Variants in DRAP1 observed in about 807,000 individuals in gnomAD.
The protein encoded by DRAP1 is dr1-associated corepressor.
Under a neutral mutation model 24.1 loss-of-function variants are expected in DRAP1, and 10 were observed. The ratio of observed to expected loss-of-function variants is 0.41; its 90% confidence interval spans 0.26 to 0.70. The LOEUF is 0.70. Ranked by LOEUF, DRAP1 falls within the 30% of genes least tolerant of loss-of-function variation. The probability of loss-of-function intolerance (pLI) is 0.29; values close to 1 mark genes in which losing one functional copy is unlikely to be tolerated. For missense variants in DRAP1, 264 were observed against 275.6 expected, an observed-to-expected ratio of 0.96 and a Z score of 0.30; for synonymous variants, 122 against 113.8, an observed-to-expected ratio of 1.07 and a Z score of -0.46.
At chr11:65,921,055 C>T in intron 6 of DRAP1, 83 bp downstream of exon 6, 1 of 1,097,182 alleles carries the variant, frequency 9.1e-7, no homozygotes, top group Non-Finnish European at 1.3e-6. Flanking sequence ...GCCCCTTGGT[C>T]TTGTTGATTG....
chr11:65,920,619 A>G lies in DRAP1; in HGVS notation c.380A>G (p.Lys127Arg), dbSNP rs1278736552. ...GGRKNGGMGT[K>R]SKDKKLSGTD... ...CGGAAGAACGGTGGGATGGGAACGA[A>G]AAGCAAGGACAAGAAGCTGTCCGGG... The change falls in exon 5 of 7, where the codon AAA becomes AGA. Residue 127 changes from lysine to arginine, a missense_variant. Lys to Arg is a conservative substitution (Grantham distance 26). Transcript: ENST00000312515. 6.5e-7 allele frequency: 1 copy of G among 1,545,292 alleles called. No homozygotes were observed. The highest frequency in any genetic ancestry group is 2.4e-5 in the East Asian group (1 of 42,428).
At position 65,920,641 on chromosome 11, in the gene DRAP1, C is replaced by T. The variant is rs756398879; in HGVS notation, c.402C>T (p.Ser134=). The part of the protein sequence containing the change: ...MGTKSKDKKL[S]GTDSEQEDES... Reference sequence around the variant, plus strand: ...CGAAAAGCAAGGACAAGAAGCTGTCCGGGACAGACTCGGAGCAGGAGGTGA... The same window carrying T: ...CGAAAAGCAAGGACAAGAAGCTGTCTGGGACAGACTCGGAGCAGGAGGTGA... The change falls in exon 5 of 7, where the codon TCC becomes TCT. Residue 134 remains serine (S), a synonymous_variant. Coordinates refer to ENST00000312515, the MANE Select transcript of DRAP1 (RefSeq NM_006442.4). The T allele has an allele frequency of 4.6e-6, 7 of 1,509,150 alleles. No homozygotes were observed. The highest frequency in any genetic ancestry group is 3.9e-5 in the South Asian group (3 of 77,308). The allele number at this position is 1,509,150 out of a possible 1,614,324, so 93.5% of individuals were successfully genotyped here.
At chr11:65,919,639 G>A in intron 1 of DRAP1, 96 bp downstream of exon 1, 1 of 1,530,484 alleles carries the variant, frequency 6.5e-7, no homozygotes. Context: ...CGGTGTTCGG[G>A]GGCCTGGACG....
rs1430597685 is a variant in DRAP1, at chr11:65,921,364, C to G, written c.547C>G (p.Leu183Val). 4 of 1,611,324 alleles carry G rather than the reference C, an allele frequency of 2.5e-6. No individual in the cohort carries two copies. The African/African-American group carries it at 5.3e-5, about 22-fold the overall frequency. ...PTPFLPFAST[L>V]PLPPAPPGPS... ...ACCCTTCCTGCCCTTCGCCTCTACT[C>G]TGCCTTTGCCCCCAGCGCCCCCGGG... Residue 183 changes from leucine (L) to valine (V), a missense_variant, in exon 7 of 7, where the codon CTG becomes GTG. Coordinates refer to ENST00000312515, the MANE Select transcript of DRAP1 (RefSeq NM_006442.4).
chr11:65,921,139 C>A, intron 6 of DRAP1, 167 bp downstream of exon 6: 1 of 675,306 alleles, frequency 1.5e-6, no homozygotes, highest in Non-Finnish European at 2.5e-6. Flanking sequence ...CCGAAAGATC[C>A]TGCTCCACCC....
At chr11:65,919,600 C>T in intron 1 of DRAP1, 57 bp downstream of exon 1, 1 of 1,546,602 alleles carries the variant, frequency 6.5e-7, no homozygotes, top group Non-Finnish European at 8.7e-7. Context: ...GGCTTGGGCC[C>T]AGTTCCCGCT....
chr11:65,921,372 G>GC lies in DRAP1; in HGVS notation c.560dup (p.Ala188SerfsTer9). On this transcript the variant is annotated frameshift_variant, in exon 7 of 7. Transcript: ENST00000312515. LOFTEE classifies it high-confidence loss of function. ...TGCCCTTCGCCTCTACTCTGCCTTT[G>GC]CCCCCAGCGCCCCCGGGCCCCTCAG... 6.2e-7 allele frequency: 1 copy of GC among 1,611,056 alleles called. No individual in the cohort carries two copies. Among genetic ancestry groups the GC allele is most frequent in the Non-Finnish European group, 8.5e-7 (1 of 1,177,562 alleles).
intron 3 of DRAP1, 121 bp downstream of exon 3, chr11:65,920,162 G>T: frequency 7.0e-7 from 1 of 1,430,670 alleles, no homozygotes; most frequent in Non-Finnish European, 9.6e-7. Context: ...CAAGGCCACA[G>T]ACTGGCAGAG....
At position 65,920,339 on chromosome 11, in the gene DRAP1, C is replaced by G. The variant is rs762937411; in HGVS notation, c.210-4C>G. The stretch of plus-strand genomic sequence containing the variant: ...GAGTGCCAGCCCCTCCTCACCTCTT[C>G]CAGGAAGCAGTGCATCGAGCTGGAG... On this transcript the variant is annotated splice_polypyrimidine_tract_variant and splice_region_variant and intron_variant, in intron 3 of 6. Coordinates refer to ENST00000312515, the MANE Select transcript of DRAP1 (RefSeq NM_006442.4). 1.9e-6 allele frequency: 3 copies of G among 1,613,896 alleles called. No homozygotes were observed. Among genetic ancestry groups the G allele is most frequent in the Non-Finnish European group, 8.5e-7 (1 of 1,180,016 alleles).
intron 4 of DRAP1, 32 bp from the exon 5 acceptor site, chr11:65,920,537 A>G: frequency 1.2e-6 from 2 of 1,607,592 alleles, no homozygotes; most frequent in Non-Finnish European, 1.7e-6. Flanking sequence ...AGTAGGGAGC[A>G]CTCCGGGCAG....
chr11:65,919,649 G>GCCCCGCCCCCTCCATGCCCT (rs1854522046), intron 1 of DRAP1, 106 bp downstream of exon 1: 12 of 1,520,308 alleles, frequency 7.9e-6, no homozygotes, highest in Non-Finnish European at 9.8e-6. Context: ...GGGCCTGGAC[G>GCCCCGCCCCCTCCATGCCCT]CCCCGCCCCC....
Position 65,919,798 on chromosome 11 carries a change from A to G in DRAP1, c.61A>G (p.Met21Val), listed in dbSNP as rs765527473. Residue 21 changes from methionine (M) to valine (V), a missense_variant, in exon 2 of 7, where the codon ATG becomes GTG. By Grantham distance (21) the Met-to-Val change is conservative. Coordinates refer to ENST00000312515, the MANE Select transcript of DRAP1 (RefSeq NM_006442.4). ...RFPPARIKKIMQTDEEIGKVA... is the reference protein window; with the variant it reads ...RFPPARIKKIVQTDEEIGKVA... Reference sequence around the variant, plus strand: ...CCCGCAGGCGCGGATCAAGAAGATCATGCAGACGGACGAAGAGATTGGGAA... The same window carrying G: ...CCCGCAGGCGCGGATCAAGAAGATCGTGCAGACGGACGAAGAGATTGGGAA... 6.2e-7 allele frequency: 1 copy of G among 1,613,048 alleles called. No individual in the cohort carries two copies. Among genetic ancestry groups the G allele is most frequent in the Admixed American group, 1.7e-5 (1 of 60,036 alleles).
chr11:65,920,812 T>C (rs896482011), intron 5 of DRAP1, 72 bp from the exon 6 acceptor site: 1 of 1,512,730 alleles, frequency 6.6e-7, no homozygotes, highest in Non-Finnish European at 9.0e-7. Flanking sequence ...GAGGGTCTAC[T>C]GCTGTCCCTG....
rs370030690 is a variant in DRAP1 at position 65,919,815 on chromosome 11, G to A, written c.78G>A (p.Glu26=). The A allele has an allele frequency of 6.1e-5, 98 of 1,612,920 alleles. 1 individual carries two copies. Among genetic ancestry groups the A allele is most frequent in the Non-Finnish European group, 3.9e-5 (46 of 1,179,964 alleles). Residue 26 remains glutamate, a synonymous_variant, in exon 2 of 7, where the codon GAG becomes GAA. Transcript: ENST00000312515. ...AGAAGATCATGCAGACGGACGAAGA[G>A]ATTGGGAAGGTGGCGGCGGCGGTGC... is the stretch of plus-strand genomic sequence containing the variant. ...RIKKIMQTDE[E]IGKVAAAVPV...
chr11:65,920,158 C>T (rs1200254272), intron 3 of DRAP1, 117 bp downstream of exon 3: 1 of 1,433,016 alleles, frequency 7.0e-7, no homozygotes, highest in African/African-American at 1.4e-5. Flanking sequence ...CCAGCAAGGC[C>T]ACAGACTGGC....
In DRAP1 at chr11:65,920,588, G is replaced by A. The variant is rs763532913; in HGVS notation, c.349G>A (p.Gly117Ser). 18 of 1,584,652 alleles carry A rather than the reference G, an allele frequency of 1.1e-5. No homozygotes were observed. The highest frequency in any genetic ancestry group is 1.4e-5 in the Non-Finnish European group (16 of 1,165,358). ...GARRGRKPGS[G>S]GRKNGGMGTK... The stretch of plus-strand genomic sequence containing the variant: ...CCAAAGGGGCCGGAAGCCAGGCAGC[G>A]GCGGCCGGAAGAACGGTGGGATGGG... Residue 117 changes from glycine (G) to serine (S), a missense_variant, in exon 5 of 7, where the codon GGC (glycine) becomes AGC (serine). By Grantham distance (56) the Gly-to-Ser change is moderately conservative. Coordinates refer to ENST00000312515, the MANE Select transcript of DRAP1 (RefSeq NM_006442.4).
Position 65,919,429 on chromosome 11 carries a change from C to A in DRAP1, c.-73C>A. The A allele has an allele frequency of 6.9e-7, 1 of 1,457,948 alleles. No individual in the cohort carries two copies. Among genetic ancestry groups the A allele is most frequent in the South Asian group, 1.4e-5 (1 of 71,958 alleles). 90.3% of individuals were successfully genotyped at this position (1,457,948 alleles called of 1,614,324 possible). ...ACCCAGGGGAACCGCGACGGGCGGG[C>A]GGCGAGCAGGCCCGGGAGCCGGGAG... On this transcript the variant is annotated 5_prime_UTR_variant, in exon 1 of 7. Coordinates refer to ENST00000312515, the MANE Select transcript of DRAP1 (RefSeq NM_006442.4).
intron 1 of DRAP1, 50 bp from the exon 2 acceptor site, chr11:65,919,730 C>T (rs758440372): frequency 7.1e-5 from 115 of 1,610,508 alleles, no homozygotes; most frequent in Non-Finnish European, 4.5e-5. Flanking sequence ...CCCAGCACCC[C>T]CTTAGGGGAC....
At chr11:65,920,278 C>A in intron 3 of DRAP1, 65 bp from the exon 4 acceptor site, 4 of 1,604,398 alleles carry the variant, frequency 2.5e-6, no homozygotes, top group Non-Finnish European at 3.4e-6. Context: ...CCCCTTGCTG[C>A]CACCCACTGC....
Sources: allele counts gnomAD v4.1 joint callset, GRCh38; gene constraint gnomAD v4.1.1; transcripts MANE v1.5; gene names NCBI Gene and HGNC (gene_info 2026-07-23, HGNC 2026-07-21).